CFAP20: variants seen among roughly 807,000 people sequenced by gnomAD.
CFAP20 encodes the protein cilia- and flagella-associated protein 20.
A neutral mutation model predicts 25.5 loss-of-function variants in CFAP20; 14 were observed. The observed-to-expected ratio is 0.55, with a 90% CI of 0.36 to 0.86. CFAP20 has a LOEUF of 0.86. Ranked by LOEUF, CFAP20 falls within the 40% of genes least tolerant of loss-of-function variation. The pLI is 0.01. For missense variants in CFAP20, 181 were observed against 248.0 expected (o/e 0.73, Z 1.81); for synonymous variants, 75 against 91.1 (o/e 0.82, Z 1.01).
intron 1 of CFAP20, chr16:58,117,185 T>G: frequency 1.9e-6 from 1 of 531,946 alleles, no homozygotes; most frequent in African/African-American, 1.9e-5. Context: ...CCCAAATACA[T>G]CAACTCAATT....
intron 5 of CFAP20, among the ~76,000 whole-genome samples, chr16:58,114,531 A>T (rs1473758211): frequency 6.6e-6 from 1 of 152,148 alleles, no homozygotes; most frequent in African/African-American, 2.4e-5. Flanking sequence ...ATCTCAAAAA[A>T]AAAAAAAAGT....
chr16:58,121,739 TA>T (rs1319092025), intron 1 of CFAP20, among the ~76,000 whole-genome samples: 1 of 151,672 alleles, frequency 6.6e-6, no homozygotes, highest in Admixed American at 6.6e-5. Flanking sequence ...GGGCAACTAA[TA>T]AAGAACACCG....
At chr16:58,123,776 A>G (rs1960572527) in intron 1 of CFAP20, among the ~76,000 whole-genome samples, 1 of 152,100 alleles carries the variant, frequency 6.6e-6, no homozygotes. Context: ...TCAAGGTAAC[A>G]TTAAAGAAAC....
chr16:58,115,207 C>T, intron 4 of CFAP20, 62 bp downstream of exon 4: 1 of 1,597,628 alleles, frequency 6.3e-7, no homozygotes, highest in Non-Finnish European at 8.6e-7. Flanking sequence ...GGCCACAAGC[C>T]AATATTAGAC....
rs545314856 is a variant in CFAP20, at chr16:58,113,806, T to C, written c.*219A>G. ...GCGGCGGAATAAGCTCCAGCGTTCA[T>C]GCGCCACTCACAGGACTGCTTACCC... On this transcript the variant is annotated 3_prime_UTR_variant, in exon 6 of 6. Transcript: ENST00000262498. 4 of 566,072 alleles carry C rather than the reference T, an allele frequency of 7.1e-6. No individual in the cohort carries two copies. The East Asian group carries it at 8.9e-5, about 13-fold the overall frequency. The allele number at this position is 566,072 out of a possible 1,614,324, so 35.1% of individuals were successfully genotyped here.
chr16:58,123,457 G>A (rs1486070844), intron 1 of CFAP20, among the ~76,000 whole-genome samples: 34 of 149,160 alleles, frequency 2.3e-4, no homozygotes, highest in African/African-American at 8.2e-4. Flanking sequence ...TTAGCTGGGC[G>A]TGGTGGCGGG....
At chr16:58,123,544 C>G (rs1048332895) in intron 1 of CFAP20, among the ~76,000 whole-genome samples, 5 of 127,678 alleles carry the variant, frequency 3.9e-5, no homozygotes, top group African/African-American at 5.7e-5. Context: ...TGCAGTGAGC[C>G]GAGATCGTGC....
intron 1 of CFAP20, among the ~76,000 whole-genome samples, chr16:58,123,442 A>G (rs1960564168): frequency 1.3e-5 from 2 of 149,670 alleles, no homozygotes; most frequent in South Asian, 4.2e-4. Flanking sequence ...TAAAAATGCA[A>G]AAAATTAGCT....
intron 1 of CFAP20, among the ~76,000 whole-genome samples, chr16:58,123,465 G>A (rs1409715998): frequency 2.7e-5 from 4 of 147,294 alleles, no homozygotes; most frequent in Admixed American, 1.3e-4. Context: ...GCGTGGTGGC[G>A]GGCGCCTGTA....
At chr16:58,114,158 C>T in intron 5 of CFAP20, 128 bp from the exon 6 acceptor site, 1 of 1,000,056 alleles carries the variant, frequency 1.0e-6, no homozygotes. Flanking sequence ...CACACATCTG[C>T]AGCACACAGG....
chr16:58,125,765 A>G (rs1379467915), intron 1 of CFAP20, among the ~76,000 whole-genome samples: 2 of 152,248 alleles, frequency 1.3e-5, no homozygotes, highest in Admixed American at 1.3e-4. Context: ...ATCAAGTGTT[A>G]GGCACTGAAC....
chr16:58,114,243 T>C (rs903119193), intron 5 of CFAP20, among the ~76,000 whole-genome samples: 40 of 152,104 alleles, frequency 2.6e-4, no homozygotes, highest in Non-Finnish European at 5.9e-5. Flanking sequence ...AGAGTTAAGA[T>C]GGGGCTGGGC....
chr16:58,116,759 C>T lies in CFAP20; in HGVS notation c.164+113G>A, dbSNP rs1960462774. ...CTTGCCCATGGTAAGCTCTAAGTGG[C>T]AGAGATAGACTCACATCCGGCACTC... is the stretch of plus-strand genomic sequence containing the variant. On this transcript the variant is annotated intron_variant, in intron 2 of 5. Coordinates refer to ENST00000262498, the MANE Select transcript of CFAP20 (RefSeq NM_013242.3). 3 of 920,984 alleles carry T rather than the reference C, an allele frequency of 3.3e-6. No individual in the cohort carries two copies. The African/African-American group carries it at 5.0e-5, about 15-fold the overall frequency. The allele number at this position is 920,984 out of a possible 1,614,324, so 57.1% of individuals were successfully genotyped here. A position where few individuals can be genotyped will look rare whatever the true frequency, so the allele number is the denominator to read the frequency against.
Position 58,121,815 on chromosome 16 carries a change from A to T in CFAP20, c.85-4864T>A, listed in dbSNP as rs1449728451. 2.0e-5 allele frequency among the ~76,000 whole-genome samples: 3 copies of T among 152,274 alleles called. No individual in the cohort carries two copies. In the East Asian group the frequency reaches 5.8e-4, roughly 29 times the overall value. The stretch of plus-strand genomic sequence containing the variant: ...GGTCAAGCTGAGGGAAAAAAAAAAT[A>T]CTACTACTGGGATAGGGAGGGAGCT... On this transcript the variant is annotated intron_variant, in intron 1 of 5. Transcript: ENST00000262498.
intron 1 of CFAP20, among the ~76,000 whole-genome samples, chr16:58,125,527 T>C (rs1960600361): frequency 1.3e-5 from 2 of 151,848 alleles, no homozygotes; most frequent in South Asian, 4.1e-4. Flanking sequence ...TCTACAAAAA[T>C]ACAAAAATTA....
intron 1 of CFAP20, among the ~76,000 whole-genome samples, chr16:58,121,212 G>A (rs1960530481): frequency 6.6e-6 from 1 of 152,150 alleles, no homozygotes; most frequent in Non-Finnish European, 1.5e-5. Context: ...AGGTCTTCCA[G>A]GAAAGCAACC....
chr16:58,123,253 C>T (rs2089859393), intron 1 of CFAP20, among the ~76,000 whole-genome samples: 1 of 147,866 alleles, frequency 6.8e-6, no homozygotes, highest in African/African-American at 2.5e-5. Flanking sequence ...TCCCAAAGTG[C>T]TAGGATTACA....
At chr16:58,121,153 A>T (rs1260420941) in intron 1 of CFAP20, among the ~76,000 whole-genome samples, 1 of 152,172 alleles carries the variant, frequency 6.6e-6, no homozygotes, top group Non-Finnish European at 1.5e-5. Context: ...TTTGGGGCAA[A>T]GGCTCCCCAC....
At position 58,129,041 on chromosome 16, in the gene CFAP20, C is replaced by T; in HGVS notation, c.75G>A (p.Trp25Ter). Residue 25 changes from tryptophan to a stop codon, truncating the protein, a stop_gained, in exon 1 of 6, where the codon TGG (tryptophan) becomes TGA (stop). Coordinates refer to ENST00000262498, the MANE Select transcript of CFAP20 (RefSeq NM_013242.3). LOFTEE classifies it high-confidence loss of function. ...CCGCCCCTAGCCCGACCTTTTTGTCCCAGATTTGCAGAGGCTTGCTGCCGA... is the reference window on the plus strand; with the variant it reads ...CCGCCCCTAGCCCGACCTTTTTGTCTCAGATTTGCAGAGGCTTGCTGCCGA... ...YSIGSKPLQIWDKKVRNGHIK... is the reference protein window; with the variant it reads ...YSIGSKPLQI 6.2e-7 allele frequency: 1 copy of T among 1,613,734 alleles called. No individual in the cohort carries two copies. Among genetic ancestry groups the T allele is most frequent in the Non-Finnish European group, 8.5e-7 (1 of 1,179,934 alleles).
Sources: allele counts gnomAD v4.1 joint callset (sites outside exome capture counted in the v4.1 genomes callset), GRCh38; gene constraint gnomAD v4.1.1; transcripts MANE v1.5; gene names NCBI Gene and HGNC (gene_info 2026-07-23, HGNC 2026-07-21).